The following NR5A2 variants were observed in gnomAD, a reference collection of about 807,000 sequenced individuals.
NR5A2 encodes nuclear receptor subfamily 5 group A member 2.
In NR5A2, 26 loss-of-function variants were observed where a neutral mutation model predicts 62.7. That is an observed-to-expected ratio of 0.41 (90% CI 0.30 to 0.58). The LOEUF (loss-of-function observed/expected upper bound fraction) is 0.58, where lower values mean the gene tolerates loss of function less well. Among genes scored for constraint, NR5A2 ranks in the 20% least tolerant of loss-of-function variants. NR5A2 has a pLI of 0.22. For missense variants in NR5A2, 541 were observed against 669.1 expected, an observed-to-expected ratio of 0.81 and a Z score of 2.11; for synonymous variants, 246 against 241.7, an observed-to-expected ratio of 1.02 and a Z score of -0.16.
chr1:200,063,092 C>T (rs924777858), intron 5 of NR5A2, among the ~76,000 whole-genome samples: 7 of 150,666 alleles, frequency 4.6e-5, no homozygotes, highest in East Asian at 1.9e-4. Context: ...GTCGCGATTT[C>T]GGCTCACTGC....
intron 7 of NR5A2, among the ~76,000 whole-genome samples, chr1:200,132,216 G>A (rs544461439): frequency 5.9e-5 from 9 of 152,122 alleles, no homozygotes; most frequent in African/African-American, 1.7e-4. Context: ...CACCATGTTG[G>A]CCAGGCTGGT....
At chr1:200,058,800 T>G (rs1286217067) in intron 5 of NR5A2, among the ~76,000 whole-genome samples, 2 of 123,860 alleles carry the variant, frequency 1.6e-5, no homozygotes, top group Non-Finnish European at 3.1e-5. Flanking sequence ...TTTGTTTTTG[T>G]TTTTTTTTTT....
intron 7 of NR5A2, among the ~76,000 whole-genome samples, chr1:200,148,666 A>C (rs1667837416): frequency 6.6e-6 from 1 of 152,250 alleles, no homozygotes; most frequent in Non-Finnish European, 1.5e-5. Flanking sequence ...AAACTTTTAA[A>C]TAAAAATCTC....
chr1:200,072,690 T>C (rs1302938630), intron 5 of NR5A2, among the ~76,000 whole-genome samples: 2 of 152,162 alleles, frequency 1.3e-5, no homozygotes, highest in African/African-American at 4.8e-5. Context: ...AAGGTAAGGT[T>C]ACAATAAACA....
chr1:200,110,566 T>A (rs1665894390), intron 5 of NR5A2, among the ~76,000 whole-genome samples: 1 of 152,146 alleles, frequency 6.6e-6, no homozygotes, highest in Non-Finnish European at 1.5e-5. Flanking sequence ...TTAGAGAGTT[T>A]GTGGCAAAAT....
intron 5 of NR5A2, among the ~76,000 whole-genome samples, chr1:200,083,392 G>A (rs1301910088): frequency 6.6e-6 from 1 of 152,124 alleles, no homozygotes; most frequent in African/African-American, 2.4e-5. Flanking sequence ...CTCATTTGAT[G>A]TTGCCTCTAA....
At chr1:200,093,807 C>T (rs1446338372) in intron 5 of NR5A2, among the ~76,000 whole-genome samples, 2 of 152,156 alleles carry the variant, frequency 1.3e-5, no homozygotes, top group African/African-American at 2.4e-5. Flanking sequence ...GTATCTAGCC[C>T]AAACTTTCGC....
At chr1:200,173,049 G>A (rs2737631) in intron 7 of NR5A2, among the ~76,000 whole-genome samples, 59,680 of 151,884 alleles carry the variant, frequency 0.39, 11,854 homozygotes, top group South Asian at 0.47. Context: ...CCAGCATACC[G>A]TTTTCCCTTG....
At chr1:200,146,620 TCACAAA>T (rs1417192729) in intron 7 of NR5A2, among the ~76,000 whole-genome samples, 1 of 152,206 alleles carries the variant, frequency 6.6e-6, no homozygotes, top group Non-Finnish European at 1.5e-5. Context: ...TAAAATTAAA[TCACAAA>T]TAATTATTAA....
intron 5 of NR5A2, among the ~76,000 whole-genome samples, chr1:200,100,250 A>G (rs994172748): frequency 6.6e-5 from 10 of 152,224 alleles, no homozygotes; most frequent in African/African-American, 2.4e-4. Context: ...TTTCTTTTCT[A>G]GTTCATGAAC....
chr1:200,037,744 G>A (rs983973686), intron 1 of NR5A2, among the ~76,000 whole-genome samples: 2 of 152,208 alleles, frequency 1.3e-5, no homozygotes, highest in Non-Finnish European at 2.9e-5. Context: ...GAAACCTGAA[G>A]TTGCTACTAA....
Position 200,061,808 on chromosome 1 carries a change from C to A in NR5A2, c.1110+12990C>A, listed in dbSNP as rs185139436. On this transcript the variant is annotated intron_variant, in intron 5 of 7. Transcript: ENST00000367362. Reference sequence around the variant, plus strand: ...CTTTCATCAATGGTTTAGTAGTGTTCGTTATTAAATTCTATAACAGAACCA... The same window carrying A: ...CTTTCATCAATGGTTTAGTAGTGTTAGTTATTAAATTCTATAACAGAACCA... 3.3e-5 allele frequency among the ~76,000 whole-genome samples: 5 copies of A among 152,114 alleles called. No individual in the cohort carries two copies. In the East Asian group the frequency reaches 5.8e-4, roughly 18 times the overall value.
chr1:200,058,902 G>A (rs1394224208), intron 5 of NR5A2, among the ~76,000 whole-genome samples: 1 of 148,960 alleles, frequency 6.7e-6, no homozygotes, highest in African/African-American at 2.5e-5. Context: ...CTGAGGTCAG[G>A]AGTTCGAGAC....
At position 200,039,738 on chromosome 1, in the gene NR5A2, G is replaced by A; in HGVS notation, c.145G>A (p.Ala49Thr). The A allele has an allele frequency of 6.2e-7, 1 of 1,611,702 alleles. No homozygotes were observed. The highest frequency in any genetic ancestry group is 8.5e-7 in the Non-Finnish European group (1 of 1,178,964). Residue 49 changes from alanine to threonine, a missense_variant, in exon 2 of 8, where the codon GCC (alanine) becomes ACC (threonine). Physicochemically the swap from Ala to Thr is moderately conservative, Grantham distance 58 (BLOSUM62 0). Transcript: ENST00000367362. This position sits in a 1 kb window ranked among gnomAD's most constrained non-coding sequence, Gnocchi z 5.1. ...LVMLPKVETE[A>T]LGLARSHGEQ... ...CATGCTGCCCAAAGTGGAGACGGAA[G>A]CCCTGGGACTGGCTCGATCGCATGG...
chr1:200,118,133 C>T (rs1666327068), intron 6 of NR5A2, among the ~76,000 whole-genome samples: 1 of 150,566 alleles, frequency 6.6e-6, no homozygotes, highest in African/African-American at 2.5e-5. Flanking sequence ...TCTCCTGCCT[C>T]AGCCTCCTGA....
intron 7 of NR5A2, among the ~76,000 whole-genome samples, chr1:200,135,359 A>G (rs111688661): frequency 0.022 from 3,299 of 152,244 alleles, 112 homozygotes; most frequent in African/African-American, 0.069. Context: ...CGTCTCTACT[A>G]AAAATACAAA....
intron 5 of NR5A2, among the ~76,000 whole-genome samples, chr1:200,099,847 C>T (rs1665285187): frequency 6.6e-6 from 1 of 152,180 alleles, no homozygotes; most frequent in African/African-American, 2.4e-5. Flanking sequence ...CCACCTCGGC[C>T]TCCCAAAGTG....
At chr1:200,153,971 G>A (rs1409758750) in intron 7 of NR5A2, among the ~76,000 whole-genome samples, 2 of 152,030 alleles carry the variant, frequency 1.3e-5, no homozygotes, top group African/African-American at 2.4e-5. Flanking sequence ...GTCAAAAAGA[G>A]GATTCTAAAA....
rs1662474646 is a variant in NR5A2, at chr1:200,048,420, A to C, written c.712A>C (p.Ser238Arg). 1.9e-6 allele frequency: 3 copies of C among 1,614,072 alleles called. No homozygotes were observed. Among genetic ancestry groups the C allele is most frequent in the Non-Finnish European group, 2.5e-6 (3 of 1,180,052 alleles). The change falls in exon 5 of 8, where the codon AGT (serine) becomes CGT (arginine). Residue 238 changes from serine (S) to arginine (R), a missense_variant. By Grantham distance (110) the Ser-to-Arg change is moderately radical. Around this residue, in one of 3 missense-constraint regions of NR5A2, gnomAD observed 379 missense variants for 442.0 expected, o/e 0.86. Coordinates refer to ENST00000367362, the MANE Select transcript of NR5A2 (RefSeq NM_205860.3). This position sits in a 1 kb window ranked among gnomAD's most constrained non-coding sequence, Gnocchi z 4.8. ...AALPPTDYDR[S>R]PFVTSPISMT... ...CTTGCCTCCTACAGACTATGACAGA[A>C]GTCCCTTTGTAACATCCCCCATTAG...
Sources: gnomAD v4.1 joint callset for allele counts (sites outside exome capture counted in the v4.1 genomes callset) on GRCh38, gnomAD v4.1.1 for gene constraint, gnomAD v4.1.1 regional missense constraint, Gnocchi (gnomAD v3.1) non-coding constraint, MANE v1.5 for transcripts, NCBI Gene and HGNC (gene_info 2026-07-23, HGNC 2026-07-21) for gene names.